The following FAM13B variants were observed in gnomAD, a reference collection of about 807,000 sequenced individuals.
The protein encoded by FAM13B is protein FAM13B.
FAM13B carries 60 observed loss-of-function variants against 117.3 expected under a neutral mutation model. The observed-to-expected ratio is 0.51, with a 90% CI of 0.42 to 0.63. The LOEUF is 0.63. Ranked by LOEUF, FAM13B falls within the 30% of genes least tolerant of loss-of-function variation. The pLI, the probability that FAM13B is intolerant of heterozygous loss-of-function variation, is 0.00. For missense variants in FAM13B, 972 were observed against 1,091.9 expected (o/e 0.89, Z 1.55); for synonymous variants, 332 against 356.1 (o/e 0.93, Z 0.76).
chr5:137,973,714 G>A (rs1185635365), intron 10 of FAM13B, among the ~76,000 whole-genome samples: 1 of 148,278 alleles, frequency 6.7e-6, no homozygotes, highest in African/African-American at 2.5e-5. Context: ...ATCTGACAAA[G>A]GGCTAATATC....
intron 5 of FAM13B, among the ~76,000 whole-genome samples, chr5:138,011,474 A>G (rs1245028300): frequency 2.0e-5 from 3 of 151,286 alleles, no homozygotes; most frequent in Admixed American, 1.3e-4. Flanking sequence ...GCTGGAGTGC[A>G]TTGGCGCGAT....
intron 10 of FAM13B, among the ~76,000 whole-genome samples, chr5:137,984,677 T>C (rs1387529820): frequency 6.6e-6 from 1 of 152,200 alleles, no homozygotes; most frequent in Non-Finnish European, 1.5e-5. Flanking sequence ...ATACGGAAGC[T>C]GTCTTAAAAA....
intron 1 of FAM13B, among the ~76,000 whole-genome samples, chr5:138,046,426 C>T (rs571968983): frequency 6.6e-5 from 10 of 152,288 alleles, no homozygotes; most frequent in East Asian, 3.9e-4. Context: ...AGCCACAAGG[C>T]GAGCTTTGAG....
chr5:137,972,504 T>C (rs1328621861), intron 10 of FAM13B, among the ~76,000 whole-genome samples: 1 of 151,090 alleles, frequency 6.6e-6, no homozygotes, highest in African/African-American at 2.4e-5. Context: ...GCCAATATCA[T>C]ACTGAATGGG....
chr5:138,000,605 T>A (rs1023462881), intron 7 of FAM13B, among the ~76,000 whole-genome samples: 1 of 151,798 alleles, frequency 6.6e-6, no homozygotes, highest in Admixed American at 6.6e-5. Context: ...ATCCACGAGG[T>A]CATAAATAGT....
chr5:138,034,389 C>T (rs1010087320), upstream of FAM13B, among the ~76,000 whole-genome samples: 4 of 152,188 alleles, frequency 2.6e-5, no homozygotes, highest in African/African-American at 9.7e-5. Context: ...TCTGGATCTC[C>T]GTTAAGAGCA....
At chr5:137,974,367 C>T (rs921493073) in intron 10 of FAM13B, among the ~76,000 whole-genome samples, 1 of 147,132 alleles carries the variant, frequency 6.8e-6, no homozygotes, top group African/African-American at 2.5e-5. Context: ...GAACAAAAAA[C>T]CAAACACCGC....
At chr5:137,999,326 C>A (rs1780618769) in intron 7 of FAM13B, among the ~76,000 whole-genome samples, 2 of 152,072 alleles carry the variant, frequency 1.3e-5, no homozygotes, top group South Asian at 4.1e-4. Context: ...GCCTGTAACC[C>A]CAGCACTTTG....
chr5:137,988,274 T>C lies in FAM13B; in HGVS notation c.890A>G (p.Asp297Gly). 6.5e-7 allele frequency: 1 copy of C among 1,548,342 alleles called. No individual in the cohort carries two copies. The highest frequency in any genetic ancestry group is 1.2e-5 in the South Asian group (1 of 80,846). ...SPISILPAST[D>G]ILERTIRAAV... The stretch of plus-strand genomic sequence containing the variant: ...TGTCTTCTATAAATATACTACTTAC[T>C]CTGTAGAGGCTGGTAGGATGCTGAT... The change falls in exon 8 of 24, where the codon GAT becomes GGT. Residue 297 changes from aspartate (D) to glycine (G), a missense_variant and splice_region_variant. Coordinates refer to ENST00000689681, the MANE Select transcript of FAM13B (RefSeq NM_001385994.1).
At chr5:137,977,336 C>G (rs1443828847) in intron 10 of FAM13B, among the ~76,000 whole-genome samples, 1 of 152,164 alleles carries the variant, frequency 6.6e-6, no homozygotes, top group Non-Finnish European at 1.5e-5. Context: ...TGATCTCGCC[C>G]TGCCTCCATT....
At chr5:138,049,311 T>A (rs1317402745) in intron 1 of FAM13B, among the ~76,000 whole-genome samples, 1 of 152,088 alleles carries the variant, frequency 6.6e-6, no homozygotes, top group African/African-American at 2.4e-5. Flanking sequence ...TGCGCTGTTG[T>A]TGCCCAGGCT....
chr5:138,011,263 G>T, intron 5 of FAM13B, 114 bp from the exon 6 acceptor site: 1 of 952,740 alleles, frequency 1.0e-6, no homozygotes, highest in Non-Finnish European at 1.6e-6. Context: ...ACCATTCTGT[G>T]CTTCCATTCT....
At chr5:137,976,819 G>A (rs367679202) in intron 10 of FAM13B, among the ~76,000 whole-genome samples, 15 of 152,056 alleles carry the variant, frequency 9.9e-5, no homozygotes, top group East Asian at 3.9e-4. Context: ...GATGTATTTC[G>A]CCTCAGGACC....
chr5:137,985,271 C>T lies in FAM13B; in HGVS notation c.1165G>A (p.Glu389Lys). 6.2e-7 allele frequency: 1 copy of T among 1,612,990 alleles called. No homozygotes were observed. The highest frequency in any genetic ancestry group is 8.5e-7 in the Non-Finnish European group (1 of 1,179,676). Residue 389 changes from glutamate to lysine, a missense_variant, in exon 10 of 24, where the codon GAA becomes AAA. Coordinates refer to ENST00000689681, the MANE Select transcript of FAM13B (RefSeq NM_001385994.1). ...ACATTCCTTACCTGGGTATTTTCTT[C>T]ATTCTCAAATACACAATCTTGCTGC... is the stretch of plus-strand genomic sequence containing the variant. ...AMQQDCVFENEENTQSVGILL... is the reference protein window; with the variant it reads ...AMQQDCVFENKENTQSVGILL...
intron 10 of FAM13B, among the ~76,000 whole-genome samples, chr5:137,965,895 T>C (rs1424572620): frequency 2.0e-5 from 3 of 152,174 alleles, no homozygotes; most frequent in Non-Finnish European, 4.4e-5. Flanking sequence ...ATGAATGGAT[T>C]TTACTGATGA....
At chr5:137,976,685 T>C (rs1261836963) in intron 10 of FAM13B, among the ~76,000 whole-genome samples, 1 of 152,196 alleles carries the variant, frequency 6.6e-6, no homozygotes, top group African/African-American at 2.4e-5. Context: ...TTTACTGCTA[T>C]CTTTGAACAT....
chr5:137,966,459 T>TTATA lies in FAM13B; in HGVS notation c.1180-3994_1180-3991dup, dbSNP rs373885448. On this transcript the variant is annotated intron_variant, in intron 10 of 23. Coordinates refer to ENST00000689681, the MANE Select transcript of FAM13B (RefSeq NM_001385994.1). ...AAAAAAAAAAAGAAAGAAATAGATT[T>TTATA]TATATATATATATATATATATATAT... 3.1e-3 allele frequency among the ~76,000 whole-genome samples: 157 copies of TTATA among 50,236 alleles called. 3 individuals carry two copies. The highest frequency in any genetic ancestry group is 4.9e-3 in the African/African-American group (63 of 12,918). 33.0% of individuals were successfully genotyped at this position (50,236 alleles called of 152,430 possible).
At chr5:138,036,280 T>C (rs190853642), upstream of FAM13B, 5 of 382,584 alleles carry the variant, frequency 1.3e-5, no homozygotes, top group African/African-American at 6.3e-5. Context: ...GAAGGAGAGC[T>C]TTTTTCTCAT....
At chr5:137,999,912 G>T (rs184694302) in intron 7 of FAM13B, among the ~76,000 whole-genome samples, 1 of 152,100 alleles carries the variant, frequency 6.6e-6, no homozygotes, top group Admixed American at 6.5e-5. Context: ...CCTCCCAAAG[G>T]CCCCACTTCC....
Sources: allele counts gnomAD v4.1 joint callset (sites outside exome capture counted in the v4.1 genomes callset), GRCh38; gene constraint gnomAD v4.1.1; transcripts MANE v1.5; gene names NCBI Gene and HGNC (gene_info 2026-07-23, HGNC 2026-07-21).